The following HPSE2 variants were observed in gnomAD, a reference collection of about 807,000 sequenced individuals.
HPSE2 encodes the protein heparanase 2 (inactive).
Under a neutral mutation model 60.5 loss-of-function variants are expected in HPSE2, and 38 were observed. The observed-to-expected ratio is 0.63, with a 90% CI of 0.48 to 0.82. HPSE2 has a LOEUF of 0.82. HPSE2 is among the 40% of genes least tolerant of loss of function. HPSE2 has a pLI of 0.00. For missense variants in HPSE2, 713 were observed against 740.4 expected (o/e 0.96, Z 0.43); for synonymous variants, 295 against 293.2 (o/e 1.01, Z -0.06).
chr10:99,189,539 A>G (rs1848147032), intron 2 of HPSE2, among the ~76,000 whole-genome samples: 1 of 152,200 alleles, frequency 6.6e-6, no homozygotes, highest in Non-Finnish European at 1.5e-5. Flanking sequence ...TCTCTACTGC[A>G]AAGTTTGTGT....
intron 3 of HPSE2, among the ~76,000 whole-genome samples, chr10:98,823,366 C>G (rs1804668864): frequency 6.6e-6 from 1 of 152,194 alleles, no homozygotes; most frequent in African/African-American, 2.4e-5. Flanking sequence ...CATCTGTAAT[C>G]CCAGCGCTTT....
intron 2 of HPSE2, among the ~76,000 whole-genome samples, chr10:99,187,763 C>T (rs1009739236): frequency 1.3e-5 from 2 of 152,184 alleles, no homozygotes; most frequent in Admixed American, 1.3e-4. Context: ...TGTGGAACAA[C>T]TTTAACTTTC....
At chr10:99,191,123 A>G (rs1592209) in intron 2 of HPSE2, among the ~76,000 whole-genome samples, 150,758 of 152,096 alleles carry the variant, frequency 0.99, 74,727 homozygotes, top group East Asian at 1. Flanking sequence ...TAGAGTACCA[A>G]GTAAATTCCT....
At chr10:98,688,427 C>T (rs867987479) in intron 6 of HPSE2, among the ~76,000 whole-genome samples, 12 of 141,788 alleles carry the variant, frequency 8.5e-5, no homozygotes, top group African/African-American at 2.8e-4. Flanking sequence ...CCTTCTGGTG[C>T]TACTGTCTTT....
chr10:99,165,736 G>A (rs748930120), intron 2 of HPSE2, among the ~76,000 whole-genome samples: 22 of 151,820 alleles, frequency 1.4e-4, no homozygotes, highest in Non-Finnish European at 2.8e-4. Flanking sequence ...TAGTAGAGAC[G>A]GGGTTTCACC....
the HPSE2 span, among the ~76,000 whole-genome samples, chr10:99,311,801 T>A: frequency 1.3e-5 from 2 of 152,180 alleles, no homozygotes; most frequent in African/African-American, 2.4e-5. Context: ...AAAGCTGAGA[T>A]AGGCCGAAAG....
chr10:98,739,202 C>A (rs527579129), intron 4 of HPSE2, among the ~76,000 whole-genome samples: 1 of 152,232 alleles, frequency 6.6e-6, no homozygotes, highest in Admixed American at 6.5e-5. Flanking sequence ...AACCATCATT[C>A]TCAGCAAACT....
intron 9 of HPSE2, among the ~76,000 whole-genome samples, chr10:98,542,383 C>T (rs1214546186): frequency 1.3e-5 from 2 of 151,664 alleles, no homozygotes; most frequent in Admixed American, 1.3e-4. Flanking sequence ...GGGGAAAAAA[C>T]AGAGCAGAAA....
At chr10:99,208,702 A>T (rs1271214083) in intron 2 of HPSE2, among the ~76,000 whole-genome samples, 10 of 151,868 alleles carry the variant, frequency 6.6e-5, no homozygotes, top group East Asian at 1.9e-4. Flanking sequence ...AAAAATAAAA[A>T]AAAAAAGACA....
chr10:98,915,302 C>A lies in HPSE2; in HGVS notation c.611-171246G>T, dbSNP rs187945147. On this transcript the variant is annotated intron_variant, in intron 3 of 11. Coordinates refer to ENST00000370552, the MANE Select transcript of HPSE2 (RefSeq NM_021828.5). ...AGCTAAGACTACAGGCACCCACCAC[C>A]ATGCCCGGCTAATTTTTTGTATTTT... Among the ~76,000 whole-genome samples, 123 of 152,054 alleles carry A rather than the reference C, an allele frequency of 8.1e-4. 1 individual carries two copies. In the East Asian group the frequency reaches 0.02, roughly 25 times the overall value.
At chr10:99,238,088 C>T (rs780832024), upstream of HPSE2, among the ~76,000 whole-genome samples, 1 of 152,120 alleles carries the variant, frequency 6.6e-6, no homozygotes, top group Non-Finnish European at 1.5e-5. Context: ...AAATACTTAA[C>T]GTGTAAAGCC....
At chr10:99,194,134 T>C (rs1247939692) in intron 2 of HPSE2, among the ~76,000 whole-genome samples, 2 of 151,966 alleles carry the variant, frequency 1.3e-5, no homozygotes, top group Non-Finnish European at 2.9e-5. Context: ...TTTTGAAACA[T>C]AGAACACATG....
chr10:99,135,258 G>A (rs915065846), intron 3 of HPSE2, among the ~76,000 whole-genome samples: 8 of 151,944 alleles, frequency 5.3e-5, no homozygotes, highest in African/African-American at 9.7e-5. Context: ...AATAACAGTC[G>A]GGAGACTTTA....
In HPSE2 at chr10:98,804,797, A is replaced by G. The variant is rs140933126; in HGVS notation, c.611-60741T>C. Among the ~76,000 whole-genome samples the G allele has an allele frequency of 7.2e-3, 1,094 of 152,286 alleles. 17 individuals are homozygous for G. Among genetic ancestry groups the G allele is most frequent in the African/African-American group, 0.025 (1,029 of 41,580 alleles). On this transcript the variant is annotated intron_variant, in intron 3 of 11. Coordinates refer to ENST00000370552, the MANE Select transcript of HPSE2 (RefSeq NM_021828.5). ...CATTGCTGGGTATATACCCAAAAGA[A>G]AGGAAATCAGTGTATCGAAGAGATA...
At chr10:98,690,336 C>G (rs538405648) in intron 6 of HPSE2, among the ~76,000 whole-genome samples, 1 of 152,214 alleles carries the variant, frequency 6.6e-6, no homozygotes, top group East Asian at 1.9e-4. Flanking sequence ...GTCAGGAGAT[C>G]AAGACCATCC....
At chr10:99,251,919 G>A in the HPSE2 span, among the ~76,000 whole-genome samples, 3 of 146,110 alleles carry the variant, frequency 2.1e-5, no homozygotes, top group Non-Finnish European at 4.5e-5. Context: ...CGTGCCTGTA[G>A]TCGCAGCTAC....
intron 3 of HPSE2, among the ~76,000 whole-genome samples, chr10:98,749,943 T>TACAC (rs1336626814): frequency 1.3e-5 from 1 of 77,448 alleles, no homozygotes; most frequent in Admixed American, 1.9e-4. Flanking sequence ...TATATATATA[T>TACAC]ATATACACAC....
At chr10:99,247,365 C>G in the HPSE2 span, among the ~76,000 whole-genome samples, 3 of 152,208 alleles carry the variant, frequency 2.0e-5, no homozygotes, top group Admixed American at 6.5e-5. Context: ...TTCATTCCAG[C>G]TTTACTATGT....
chr10:98,648,504 G>T (rs1002431834), intron 6 of HPSE2, among the ~76,000 whole-genome samples: 3 of 152,152 alleles, frequency 2.0e-5, no homozygotes, highest in African/African-American at 7.2e-5. Flanking sequence ...ACAAGGCTGG[G>T]CACAGTGGCT....
Sources: gnomAD v4.1 joint callset for allele counts (sites outside exome capture counted in the v4.1 genomes callset) on GRCh38, gnomAD v4.1.1 for gene constraint, MANE v1.5 for transcripts, NCBI Gene and HGNC (gene_info 2026-07-23, HGNC 2026-07-21) for gene names.